The following UBAP1L variants were observed in gnomAD, a reference collection of about 807,000 sequenced individuals.
The protein encoded by UBAP1L is ubiquitin associated protein 1 like, also known as ubiquitin-associated protein 1-like.
In UBAP1L, 32 loss-of-function variants were observed where a neutral mutation model predicts 32.1. That is an observed-to-expected ratio of 1.00 (90% CI 0.75 to 1.34). The LOEUF (loss-of-function observed/expected upper bound fraction) is 1.34, where lower values mean the gene tolerates loss of function less well. Among genes scored for constraint, UBAP1L ranks in the 40% most tolerant of loss-of-function variants. The pLI, the probability that UBAP1L is intolerant of heterozygous loss-of-function variation, is 0.00. For synonymous variants in UBAP1L, 243 were observed against 250.2 expected (o/e 0.97, Z 0.27); for missense variants, 516 against 540.5 (o/e 0.95, Z 0.45).
At chr15:65,112,861 C>T (rs565317607) in intron 1 of UBAP1L, among the ~76,000 whole-genome samples, 6 of 152,138 alleles carry the variant, frequency 3.9e-5, no homozygotes, top group Admixed American at 1.3e-4. Context: ...TGATACTTTC[C>T]TCTCCTTTAC....
intron 1 of UBAP1L, among the ~76,000 whole-genome samples, chr15:65,113,395 C>T (rs2087381754): frequency 6.6e-6 from 1 of 152,192 alleles, no homozygotes; most frequent in Admixed American, 6.5e-5. Flanking sequence ...AGAACCTTTG[C>T]ATATCCTGTT....
At chr15:65,101,122 T>C (rs1234283824) in intron 3 of UBAP1L, 2 of 152,220 alleles carry the variant, frequency 1.3e-5, no homozygotes, top group African/African-American at 2.4e-5. Context: ...AGCCGGTGCA[T>C]GTAAGAAACC....
chr15:65,101,853 C>T (rs2087242927), intron 3 of UBAP1L, among the ~76,000 whole-genome samples: 1 of 152,162 alleles, frequency 6.6e-6, no homozygotes, highest in Non-Finnish European at 1.5e-5. Flanking sequence ...ACCACTGTGA[C>T]CTGCTCCCTA....
chr15:65,093,224 T>C lies in UBAP1L; in HGVS notation c.1019A>G (p.Glu340Gly). 3 of 1,544,134 alleles carry C rather than the reference T, an allele frequency of 1.9e-6. No individual in the cohort carries two copies. Among genetic ancestry groups the C allele is most frequent in the Non-Finnish European group, 2.6e-6 (3 of 1,144,574 alleles). Residue 340 changes from glutamate to glycine, a missense_variant, in exon 6 of 6, where the codon GAG (glutamate) becomes GGG (glycine). By Grantham distance (98) the Glu-to-Gly change is moderately conservative. Transcript: ENST00000559089. ...GAACTGCTCCCAGAGGCGCAGGAACTCCCCTGCCTGAGGAAGAGGAGACAG... is the reference window on the plus strand; with the variant it reads ...GAACTGCTCCCAGAGGCGCAGGAACCCCCCTGCCTGAGGAAGAGGAGACAG... ...MFQFSESQAGEFLRLWEQFSD... is the reference protein window; with the variant it reads ...MFQFSESQAGGFLRLWEQFSD...
At chr15:65,111,788 A>C (rs1307225300) in intron 1 of UBAP1L, among the ~76,000 whole-genome samples, 2 of 150,952 alleles carry the variant, frequency 1.3e-5, no homozygotes, top group East Asian at 1.9e-4. Flanking sequence ...CCCAGCCTAT[A>C]TCTCTTTTTT....
At chr15:65,099,036 G>A (rs1158714658) in intron 4 of UBAP1L, 6 of 153,204 alleles carry the variant, frequency 3.9e-5, no homozygotes, top group African/African-American at 1.4e-4. Context: ...AAATAGTAGC[G>A]TGGCTCAGAG....
At chr15:65,103,132 C>G (rs1006122549) in intron 2 of UBAP1L, among the ~76,000 whole-genome samples, 9 of 152,238 alleles carry the variant, frequency 5.9e-5, no homozygotes, top group Non-Finnish European at 1.2e-4. Flanking sequence ...ATTCCTGTCC[C>G]CAGCCCCTTT....
Position 65,106,154 on chromosome 15 carries a change from G to A in UBAP1L, c.62C>T (p.Pro21Leu), listed in dbSNP as rs988556255. 20 of 1,550,642 alleles carry A rather than the reference G, an allele frequency of 1.3e-5. No homozygotes were observed. The African/African-American group carries it at 2.5e-4, about 19-fold the overall frequency. ...GACGCTGAGTTCTGGCCCAGGGAGA[G>A]GCTCTGTGCCTATCACAAAGCCCTT... ...LPKGFVIGTEPLPGPELSVPA... is the reference protein window; with the variant it reads ...LPKGFVIGTELLPGPELSVPA... The change falls in exon 2 of 6, where the codon CCT (proline) becomes CTT (leucine). Residue 21 changes from proline to leucine, a missense_variant. Transcript: ENST00000559089.
chr15:65,111,950 C>T (rs1345895987), intron 1 of UBAP1L, among the ~76,000 whole-genome samples: 1 of 152,208 alleles, frequency 6.6e-6, no homozygotes, highest in Non-Finnish European at 1.5e-5. Flanking sequence ...GCCACCACGC[C>T]TGGCCCTATA....
intron 1 of UBAP1L, among the ~76,000 whole-genome samples, chr15:65,111,513 G>A (rs1428433994): frequency 1.3e-5 from 2 of 152,006 alleles, no homozygotes; most frequent in South Asian, 2.1e-4. Context: ...ACGGACTCTC[G>A]CTCTGTCTCC....
At position 65,102,072 on chromosome 15, in the gene UBAP1L, T is replaced by C. The variant is rs146666128; in HGVS notation, c.699+34A>G. On this transcript the variant is annotated intron_variant, in intron 3 of 5. Coordinates refer to ENST00000559089, the MANE Select transcript of UBAP1L (RefSeq NM_001163692.2). This position sits in a 1 kb window ranked among gnomAD's most constrained non-coding sequence, Gnocchi z 5.0. ...CAGATTATGGGGCCTGGGCTGCTGA[T>C]TGGCGGCCTTGGAGGGGCGGGCAGA... 0.013 allele frequency: 13,596 copies of C among 1,020,406 alleles called. 118 individuals carry two copies. Among genetic ancestry groups the C allele is most frequent in the Middle Eastern group, 0.025 (68 of 2,728 alleles). The allele number at this position is 1,020,406 out of a possible 1,614,324, so 63.2% of individuals were successfully genotyped here. A position where few individuals can be genotyped will look rare whatever the true frequency, so the allele number is the denominator to read the frequency against.
intron 1 of UBAP1L, among the ~76,000 whole-genome samples, chr15:65,113,592 A>G (rs2087383634): frequency 6.6e-6 from 1 of 152,082 alleles, no homozygotes; most frequent in Non-Finnish European, 1.5e-5. Context: ...TACTAAAAAT[A>G]CAAAAATTAG....
At position 65,093,093 on chromosome 15, in the gene UBAP1L, G is replaced by A. The variant is rs895765994; in HGVS notation, c.*4C>T. ...TGCCCAGGCATCGTGGAGTGCCTCC[G>A]TGGTCACTGGGCACAGGCCACCAGC... On this transcript the variant is annotated 3_prime_UTR_variant, in exon 6 of 6. Coordinates refer to ENST00000559089, the MANE Select transcript of UBAP1L (RefSeq NM_001163692.2). 3.9e-5 allele frequency: 60 copies of A among 1,546,248 alleles called. No individual in the cohort carries two copies. Among genetic ancestry groups the A allele is most frequent in the African/African-American group, 4.1e-5 (3 of 72,678 alleles).
At position 65,106,177 on chromosome 15, in the gene UBAP1L, C is replaced by T. The variant is rs770326927; in HGVS notation, c.39G>A (p.Lys13=). 5 of 1,549,330 alleles carry T rather than the reference C, an allele frequency of 3.2e-6. No individual in the cohort carries two copies. The highest frequency in any genetic ancestry group is 4.4e-6 in the Non-Finnish European group (5 of 1,146,414). ...GAGGCTCTGTGCCTATCACAAAGCC[C>T]TTGGGCAACTTGAAAGGAACACCAT... ...ALDGVPFKLP[K]GFVIGTEPLP... The change falls in exon 2 of 6, where the codon AAG becomes AAA. Residue 13 remains lysine, a synonymous_variant. Coordinates refer to ENST00000559089, the MANE Select transcript of UBAP1L (RefSeq NM_001163692.2).
At chr15:65,105,246 G>A (rs2087295503) in intron 2 of UBAP1L, among the ~76,000 whole-genome samples, 2 of 152,182 alleles carry the variant, frequency 1.3e-5, no homozygotes, top group East Asian at 3.9e-4. Context: ...TGGCCAAGGT[G>A]GGAGGATCAC....
At position 65,094,424 on chromosome 15, in the gene UBAP1L, A is replaced by G; in HGVS notation, c.1011+51T>C. 7.2e-7 allele frequency: 1 copy of G among 1,385,462 alleles called. No individual in the cohort carries two copies. The highest frequency in any genetic ancestry group is 1.3e-5 in the South Asian group (1 of 75,776). 85.8% of individuals were successfully genotyped at this position (1,385,462 alleles called of 1,614,324 possible). A position where few individuals can be genotyped will look rare whatever the true frequency, so the allele number is the denominator to read the frequency against. On this transcript the variant is annotated intron_variant, in intron 5 of 5. Transcript: ENST00000559089. This position sits in a 1 kb window ranked among gnomAD's most constrained non-coding sequence, Gnocchi z 4.2. ...GGCCCTGCACACCGGGCTCCTGGGT[A>G]CACCCCCATCCCTTCCATCCCCTGG...
intron 1 of UBAP1L, among the ~76,000 whole-genome samples, chr15:65,112,947 T>G (rs2087378549): frequency 6.6e-6 from 1 of 152,232 alleles, no homozygotes; most frequent in East Asian, 1.9e-4. Context: ...CTAACTCCAC[T>G]GCTTCCATGG....
Position 65,094,502 on chromosome 15 carries a change from C to T in UBAP1L, c.984G>A (p.Met328Ile). ...GGCTCTCGGAGAACTGGAACATCTCCATGGCCTCATCCACCAGGCCTTCCT... is the reference window on the plus strand; with the variant it reads ...GGCTCTCGGAGAACTGGAACATCTCTATGGCCTCATCCACCAGGCCTTCCT... Reference protein sequence around the residue: ...GYEEGLVDEAMEMFQFSESQA... With the variant: ...GYEEGLVDEAIEMFQFSESQA... Residue 328 changes from methionine to isoleucine, a missense_variant, in exon 5 of 6, where the codon ATG (methionine) becomes ATA (isoleucine). By Grantham distance (10) the Met-to-Ile change is conservative (BLOSUM62 1). Transcript: ENST00000559089. The surrounding 1 kb of genome is among the most constrained non-coding windows in gnomAD (Gnocchi z 4.2). 6.4e-7 allele frequency: 1 copy of T among 1,551,392 alleles called. No homozygotes were observed. The highest frequency in any genetic ancestry group is 8.7e-7 in the Non-Finnish European group (1 of 1,146,898).
In UBAP1L at chr15:65,115,132, G is replaced by A. The variant is rs928012871; in HGVS notation, c.-174+18C>T. ...TATTATACTTATTTAAATGGAATAA[G>A]ATATACTTTGTACTTACCTTGTAAT... On this transcript the variant is annotated intron_variant, in intron 1 of 5. Transcript: ENST00000559089. 28 of 152,310 alleles carry A rather than the reference G, an allele frequency of 1.8e-4. No homozygotes were observed. The highest frequency in any genetic ancestry group is 1.5e-3 in the Admixed American group (23 of 15,296). The allele number at this position is 152,310 out of a possible 1,614,324, so 9.4% of individuals were successfully genotyped here. A position where few individuals can be genotyped will look rare whatever the true frequency, so the allele number is the denominator to read the frequency against.
Sources: gnomAD v4.1 joint callset for allele counts (sites outside exome capture counted in the v4.1 genomes callset) on GRCh38, gnomAD v4.1.1 for gene constraint, Gnocchi (gnomAD v3.1) non-coding constraint, MANE v1.5 for transcripts, NCBI Gene and HGNC (gene_info 2026-07-23, HGNC 2026-07-21) for gene names.